BACH2: variants seen among roughly 807,000 people sequenced by gnomAD.
BACH2 encodes transcription regulator protein BACH2.
Under a neutral mutation model 61.8 loss-of-function variants are expected in BACH2, and 5 were observed. The ratio of observed to expected loss-of-function variants is 0.08; its 90% CI spans 0.04 to 0.17. BACH2 has a LOEUF of 0.17. Ranked by LOEUF, BACH2 falls within the 10% of genes least tolerant of loss-of-function variation. The pLI is 1.00. For missense variants in BACH2, 824 were observed against 1,091.1 expected, an observed-to-expected ratio of 0.76 and a Z score of 3.45; for synonymous variants, 446 against 440.1, an observed-to-expected ratio of 1.01 and a Z score of -0.17.
intron 4 of BACH2, among the ~76,000 whole-genome samples, chr6:90,188,787 G>A (rs976699265): frequency 5.5e-5 from 8 of 146,292 alleles, no homozygotes; most frequent in Non-Finnish European, 1.2e-4. Flanking sequence ...AAAGCGAAAG[G>A]GGACTGAGTA....
At chr6:90,191,568 T>C (rs1429662295) in intron 4 of BACH2, among the ~76,000 whole-genome samples, 2 of 152,240 alleles carry the variant, frequency 1.3e-5, no homozygotes, top group Admixed American at 6.5e-5. Flanking sequence ...GAAACGTGCA[T>C]GGATTTTGGA....
intron 6 of BACH2, among the ~76,000 whole-genome samples, chr6:89,984,506 T>TA (rs1776131389): frequency 6.6e-6 from 1 of 151,822 alleles, no homozygotes; most frequent in African/African-American, 2.4e-5. Flanking sequence ...TTGGAAAAAA[T>TA]ATATCAGATA....
At chr6:90,132,388 C>T (rs1275202758) in intron 4 of BACH2, among the ~76,000 whole-genome samples, 4 of 152,158 alleles carry the variant, frequency 2.6e-5, no homozygotes, top group African/African-American at 7.2e-5. Flanking sequence ...ACATACCAGC[C>T]ACCCCTCCCA....
intron 6 of BACH2, among the ~76,000 whole-genome samples, chr6:89,959,511 G>C (rs1243922658): frequency 6.6e-6 from 1 of 152,056 alleles, no homozygotes; most frequent in Non-Finnish European, 1.5e-5. Flanking sequence ...CCTAAATCAT[G>C]ACTCAATACA....
chr6:90,159,504 C>T (rs141459551), intron 4 of BACH2, among the ~76,000 whole-genome samples: 1 of 152,234 alleles, frequency 6.6e-6, no homozygotes, highest in Admixed American at 6.5e-5. Flanking sequence ...TCTGCATTCT[C>T]TAGAGAATTA....
intron 1 of BACH2, among the ~76,000 whole-genome samples, chr6:90,295,863 T>G (rs1241833577): frequency 2.0e-5 from 3 of 152,130 alleles, no homozygotes; most frequent in South Asian, 2.1e-4. Flanking sequence ...CCTGCGACCC[T>G]AAACTTGGGC....
intron 6 of BACH2, among the ~76,000 whole-genome samples, chr6:90,001,987 A>G (rs1777155905): frequency 6.6e-6 from 1 of 152,170 alleles, no homozygotes; most frequent in Admixed American, 6.5e-5. Context: ...CTAGAACACA[A>G]TCAAATTGGT....
At chr6:89,999,081 T>C (rs1776998388) in intron 6 of BACH2, among the ~76,000 whole-genome samples, 7 of 152,236 alleles carry the variant, frequency 4.6e-5, no homozygotes, top group Admixed American at 4.6e-4. Flanking sequence ...GTGGAAACTG[T>C]GTTTTCTTGT....
At chr6:90,288,221 T>C (rs527857351) in intron 1 of BACH2, among the ~76,000 whole-genome samples, 2 of 152,264 alleles carry the variant, frequency 1.3e-5, no homozygotes, top group South Asian at 2.1e-4. Flanking sequence ...ATAGATATTC[T>C]ACAAATCAAT....
intron 4 of BACH2, among the ~76,000 whole-genome samples, chr6:90,097,099 T>C (rs1243791996): frequency 6.6e-6 from 1 of 152,168 alleles, no homozygotes; most frequent in African/African-American, 2.4e-5. Flanking sequence ...CTTTCTCCTG[T>C]CTGCCCTCTC....
At chr6:90,214,888 A>G (rs1458874346) in intron 3 of BACH2, among the ~76,000 whole-genome samples, 1 of 151,100 alleles carries the variant, frequency 6.6e-6, no homozygotes, top group Non-Finnish European at 1.5e-5. Flanking sequence ...CAGCTTCCCA[A>G]GTAGCTGGGA....
chr6:90,074,728 G>A (rs1781394046), intron 5 of BACH2, among the ~76,000 whole-genome samples: 1 of 152,112 alleles, frequency 6.6e-6, no homozygotes, highest in South Asian at 2.1e-4. Flanking sequence ...ATGGGAGGTG[G>A]AAGCGATGGC....
chr6:90,019,211 A>G (rs1778247252), intron 5 of BACH2, among the ~76,000 whole-genome samples: 2 of 152,226 alleles, frequency 1.3e-5, no homozygotes, highest in African/African-American at 4.8e-5. Flanking sequence ...ATTCATAAAA[A>G]GTAGGAGATT....
chr6:90,056,036 A>G (rs950261908), intron 5 of BACH2, among the ~76,000 whole-genome samples: 3 of 152,244 alleles, frequency 2.0e-5, no homozygotes, highest in African/African-American at 4.8e-5. Context: ...TGTAAAGACC[A>G]TCAAGGCTAG....
intron 5 of BACH2, among the ~76,000 whole-genome samples, chr6:90,061,061 C>A (rs1357211076): frequency 6.6e-6 from 1 of 152,134 alleles, no homozygotes. Flanking sequence ...AAGAGGTCCT[C>A]TTTAAAAGTT....
At chr6:90,207,212 C>T (rs7744528) in intron 3 of BACH2, among the ~76,000 whole-genome samples, 21 of 151,722 alleles carry the variant, frequency 1.4e-4, no homozygotes, top group Non-Finnish European at 3.1e-4. Flanking sequence ...TCAACCTTCT[C>T]GGCTACAGTG....
At chr6:90,083,042 G>T (rs999279844) in intron 5 of BACH2, among the ~76,000 whole-genome samples, 1 of 152,118 alleles carries the variant, frequency 6.6e-6, no homozygotes, top group African/African-American at 2.4e-5. Flanking sequence ...TCCTCATGAC[G>T]CACAGTCTGT....
intron 3 of BACH2, among the ~76,000 whole-genome samples, chr6:90,226,968 T>C (rs1437359520): frequency 6.6e-6 from 1 of 152,210 alleles, no homozygotes; most frequent in Non-Finnish European, 1.5e-5. Context: ...GTATGTGAGA[T>C]TGCTGCTCCA....
intron 4 of BACH2, among the ~76,000 whole-genome samples, chr6:90,107,161 C>G (rs1317937599): frequency 6.6e-6 from 1 of 152,072 alleles, no homozygotes; most frequent in Non-Finnish European, 1.5e-5. Flanking sequence ...ATCACGAGGT[C>G]AAGAGATCAA....
Sources: allele counts gnomAD v4.1 joint callset (sites outside exome capture counted in the v4.1 genomes callset), GRCh38; gene constraint gnomAD v4.1.1; transcripts MANE v1.5; gene names NCBI Gene and HGNC (gene_info 2026-07-23, HGNC 2026-07-21).